Variants in PCDHGA12 observed in about 807,000 individuals in gnomAD.
PCDHGA12 encodes protocadherin gamma-A12.
Under a neutral mutation model 61.1 loss-of-function variants are expected in PCDHGA12, and 43 were observed. That is an observed-to-expected ratio of 0.70 (90% CI 0.55 to 0.91). The LOEUF (loss-of-function observed/expected upper bound fraction) is 0.91. Among genes scored for constraint, PCDHGA12 ranks in the 40% least tolerant of loss-of-function variants. The pLI, the probability that PCDHGA12 is intolerant of heterozygous loss-of-function variation, is 0.00. For missense variants in PCDHGA12, 1,236 were observed against 1,227.7 expected, an observed-to-expected ratio of 1.01 and a Z score of -0.10; for synonymous variants, 520 against 542.9, an observed-to-expected ratio of 0.96 and a Z score of 0.59.
intron 1 of PCDHGA12, among the ~76,000 whole-genome samples, chr5:141,467,931 T>C (rs771009105): frequency 1.3e-5 from 2 of 151,966 alleles, no homozygotes; most frequent in Non-Finnish European, 2.9e-5. Flanking sequence ...AATGCTAGGA[T>C]TACAAGCATG....
Position 141,431,570 on chromosome 5 carries a change from G to T in PCDHGA12, c.811G>T (p.Glu271Ter). The change falls in exon 1 of 4, where the codon GAA becomes TAA. Residue 271 changes from glutamate (E) to a stop codon, truncating the protein, a stop_gained. Coordinates refer to ENST00000252085, the MANE Select transcript of PCDHGA12 (RefSeq NM_003735.3). LOFTEE classifies it high-confidence loss of function. This position sits in a 1 kb window ranked among gnomAD's most constrained non-coding sequence, Gnocchi z 4.8. The stretch of plus-strand genomic sequence containing the variant: ...TGTAGTCAACGCTACCGACCCTGAC[G>T]AAGGAGTCAATGCGGAAGTGAGGTA... ...LLVVNATDPDEGVNAEVRYSF... is the reference protein window; with the variant it reads ...LLVVNATDPD The T allele has an allele frequency of 6.2e-7, 1 of 1,614,172 alleles. No homozygotes were observed. Among genetic ancestry groups the T allele is most frequent in the Non-Finnish European group, 8.5e-7 (1 of 1,180,024 alleles).
Position 141,432,123 on chromosome 5 carries a change from C to T in PCDHGA12, c.1364C>T (p.Ala455Val). 6.2e-7 allele frequency: 1 copy of T among 1,614,172 alleles called. No homozygotes were observed. The highest frequency in any genetic ancestry group is 8.5e-7 in the Non-Finnish European group (1 of 1,180,042). ...TNDNPPVFPQ[A>V]SYSAYIPENN... ...GACAACCCGCCGGTCTTCCCTCAGGCCTCCTATTCCGCTTATATCCCAGAG... is the reference window on the plus strand; with the variant it reads ...GACAACCCGCCGGTCTTCCCTCAGGTCTCCTATTCCGCTTATATCCCAGAG... Residue 455 changes from alanine to valine, a missense_variant, in exon 1 of 4, where the codon GCC (alanine) becomes GTC (valine). Coordinates refer to ENST00000252085, the MANE Select transcript of PCDHGA12 (RefSeq NM_003735.3). The surrounding 1 kb of genome is among the most constrained non-coding windows in gnomAD (Gnocchi z 6.0).
chr5:141,446,468 A>G (rs2098503159), intron 1 of PCDHGA12, among the ~76,000 whole-genome samples: 1 of 149,982 alleles, frequency 6.7e-6, no homozygotes, highest in African/African-American at 2.5e-5. Flanking sequence ...GTGATTAGAC[A>G]TATGGTCATC....
chr5:141,432,126 C>T lies in PCDHGA12; in HGVS notation c.1367C>T (p.Ser456Phe). ...NDNPPVFPQASYSAYIPENNP... is the reference protein window; with the variant it reads ...NDNPPVFPQAFYSAYIPENNP... ...AACCCGCCGGTCTTCCCTCAGGCCTCCTATTCCGCTTATATCCCAGAGAAC... is the reference window on the plus strand; with the variant it reads ...AACCCGCCGGTCTTCCCTCAGGCCTTCTATTCCGCTTATATCCCAGAGAAC... Residue 456 changes from serine (S) to phenylalanine (F), a missense_variant, in exon 1 of 4, where the codon TCC becomes TTC. Physicochemically the swap from Ser to Phe is radical, Grantham distance 155. Coordinates refer to ENST00000252085, the MANE Select transcript of PCDHGA12 (RefSeq NM_003735.3). This position sits in a 1 kb window ranked among gnomAD's most constrained non-coding sequence, Gnocchi z 6.0. The T allele has an allele frequency of 1.2e-6, 2 of 1,614,144 alleles. No homozygotes were observed. Among genetic ancestry groups the T allele is most frequent in the Non-Finnish European group, 1.7e-6 (2 of 1,180,028 alleles).
At chr5:141,501,550 A>G (rs1251701030) in intron 2 of PCDHGA12, among the ~76,000 whole-genome samples, 3 of 152,078 alleles carry the variant, frequency 2.0e-5, no homozygotes, top group Non-Finnish European at 4.4e-5. Flanking sequence ...ATAAGATCAT[A>G]GGCCCTGGAA....
Position 141,432,949 on chromosome 5 carries a change from C to T in PCDHGA12, c.2190C>T (p.Gly730=). 1.2e-6 allele frequency: 2 copies of T among 1,614,184 alleles called. No homozygotes were observed. Among genetic ancestry groups the T allele is most frequent in the Non-Finnish European group, 1.7e-6 (2 of 1,180,040 alleles). The change falls in exon 1 of 4, where the codon GGC becomes GGT. Residue 730 remains glycine, a synonymous_variant. Coordinates refer to ENST00000252085, the MANE Select transcript of PCDHGA12 (RefSeq NM_003735.3). This position sits in a 1 kb window ranked among gnomAD's most constrained non-coding sequence, Gnocchi z 6.0. The part of the protein sequence containing the change: ...HKSRLLQASG[G]GLTGAPASHF... Reference sequence around the variant, plus strand: ...CACGCCTGCTGCAGGCTTCAGGAGGCGGCTTGACAGGAGCGCCGGCGTCGC... The same window carrying T: ...CACGCCTGCTGCAGGCTTCAGGAGGTGGCTTGACAGGAGCGCCGGCGTCGC...
At chr5:141,438,739 G>A (rs1264194876) in intron 1 of PCDHGA12, among the ~76,000 whole-genome samples, 1 of 149,040 alleles carries the variant, frequency 6.7e-6, no homozygotes, top group African/African-American at 2.5e-5. Context: ...TCAGCTCACT[G>A]CAACCTCTGC....
rs545524357 is a variant in PCDHGA12, at chr5:141,467,902, G to A, written c.2425-26905G>A. ...TCAAACTCCTGAGCTCAAGAAATCC[G>A]CCCACCTCAGCCTCCCAAAATGCTA... On this transcript the variant is annotated intron_variant, in intron 1 of 3. Coordinates refer to ENST00000252085, the MANE Select transcript of PCDHGA12 (RefSeq NM_003735.3). 1.1e-4 allele frequency among the ~76,000 whole-genome samples: 16 copies of A among 151,862 alleles called. No homozygotes were observed. The East Asian group carries it at 2.3e-3, about 22-fold the overall frequency.
intron 1 of PCDHGA12, among the ~76,000 whole-genome samples, chr5:141,465,409 A>G (rs1037916815): frequency 3.3e-5 from 5 of 152,188 alleles, no homozygotes; most frequent in African/African-American, 4.8e-5. Flanking sequence ...AAGAAGCCAA[A>G]TCAGCACTGA....
intron 3 of PCDHGA12, 48 bp downstream of exon 3, chr5:141,505,529 T>C (rs1479433990): frequency 1.9e-6 from 3 of 1,612,066 alleles, no homozygotes; most frequent in Non-Finnish European, 2.5e-6. Context: ...CCTGGGGTTC[T>C]GGGGTGCATC....
At chr5:141,444,873 C>T (rs1298516499) in intron 1 of PCDHGA12, among the ~76,000 whole-genome samples, 1 of 152,080 alleles carries the variant, frequency 6.6e-6, no homozygotes, top group African/African-American at 2.4e-5. Flanking sequence ...CAGGACAAAG[C>T]TTGTAGGATT....
chr5:141,500,318 C>T (rs1005060282), intron 2 of PCDHGA12, among the ~76,000 whole-genome samples: 3 of 151,948 alleles, frequency 2.0e-5, no homozygotes, highest in African/African-American at 7.3e-5. Context: ...ACGCCATGCT[C>T]CTGCCTCAGC....
chr5:141,451,001 A>G (rs909477017), intron 1 of PCDHGA12, among the ~76,000 whole-genome samples: 1 of 148,266 alleles, frequency 6.7e-6, no homozygotes, highest in African/African-American at 2.5e-5. Context: ...ATTTTTTTGT[A>G]TTTTTTTTAG....
At position 141,432,783 on chromosome 5, in the gene PCDHGA12, T is replaced by G; in HGVS notation, c.2024T>G (p.Leu675Arg). The G allele has an allele frequency of 6.2e-7, 1 of 1,614,118 alleles. No individual in the cohort carries two copies. Residue 675 changes from leucine (L) to arginine (R), a missense_variant, in exon 1 of 4, where the codon CTC (leucine) becomes CGC (arginine). By Grantham distance (102) the Leu-to-Arg change is moderately radical (BLOSUM62 -2). Transcript: ENST00000252085. The surrounding 1 kb of genome is among the most constrained non-coding windows in gnomAD (Gnocchi z 6.0). ...AGCATCCCCCAAGTCCTGGCGGACC[T>G]CGGCAGCCTCGAGTCTCCAGCTAAC... ...ADSIPQVLAD[L>R]GSLESPANSE... is the part of the protein sequence containing the mutation.
intron 2 of PCDHGA12, among the ~76,000 whole-genome samples, chr5:141,500,231 C>T (rs992215482): frequency 1.4e-5 from 2 of 138,098 alleles, no homozygotes; most frequent in East Asian, 4.1e-4. Context: ...TTTATTGATA[C>T]GTAGCCTTGC....
chr5:141,442,751 T>G (rs756672976), intron 1 of PCDHGA12, among the ~76,000 whole-genome samples: 1 of 152,196 alleles, frequency 6.6e-6, no homozygotes, highest in Non-Finnish European at 1.5e-5. Context: ...CATGTTTTGA[T>G]TATATATATT....
In PCDHGA12 at chr5:141,493,145, AG is replaced by A. The variant is rs11350413; in HGVS notation, c.2425-1660del. Among the ~76,000 whole-genome samples the A allele has an allele frequency of 0.17, 26,475 of 152,128 alleles. 2,528 individuals carry two copies. The highest frequency in any genetic ancestry group is 0.28 in the Admixed American group (4,206 of 15,272). ...TAGGACTGTATTTTGAAACACCCCC[AG>A]GTGATTTTGATAGCTGATTGAGAGA... is the stretch of plus-strand genomic sequence containing the variant. On this transcript the variant is annotated intron_variant, in intron 1 of 3. Transcript: ENST00000252085. The surrounding 1 kb of genome is among the most constrained non-coding windows in gnomAD (Gnocchi z 4.3).
intron 1 of PCDHGA12, among the ~76,000 whole-genome samples, chr5:141,435,833 A>G (rs1354866725): frequency 6.6e-6 from 1 of 152,112 alleles, no homozygotes; most frequent in Non-Finnish European, 1.5e-5. Flanking sequence ...TTTGCTGCCT[A>G]TCTACTTTGA....
Position 141,433,023 on chromosome 5 carries a change from A to C in PCDHGA12, c.2264A>C (p.His755Pro). Reference protein sequence around the residue: ...GVQAFLQTYSHEVSLTTDSRK... With the variant: ...GVQAFLQTYSPEVSLTTDSRK... ...CAGGCTTTCCTGCAGACCTATTCCC[A>C]CGAGGTTTCCCTCACCACGGACTCG... Residue 755 changes from histidine (H) to proline (P), a missense_variant, in exon 1 of 4, where the codon CAC (histidine) becomes CCC (proline). Physicochemically the swap from His to Pro is moderately conservative, Grantham distance 77. Transcript: ENST00000252085. 1 of 1,614,084 alleles carries C rather than the reference A, an allele frequency of 6.2e-7. No individual in the cohort carries two copies. The highest frequency in any genetic ancestry group is 2.2e-5 in the East Asian group (1 of 44,840).
Sources: gnomAD v4.1 joint callset for allele counts (sites outside exome capture counted in the v4.1 genomes callset) on GRCh38, gnomAD v4.1.1 for gene constraint, Gnocchi (gnomAD v3.1) non-coding constraint, MANE v1.5 for transcripts, NCBI Gene and HGNC (gene_info 2026-07-23, HGNC 2026-07-21) for gene names.